NKAIN3: variants seen among roughly 807,000 people sequenced by gnomAD.
NKAIN3 encodes the protein sodium/potassium transporting ATPase interacting 3, also known as sodium/potassium-transporting ATPase subunit beta-1-interacting protein 3.
A neutral mutation model predicts 30.2 loss-of-function variants in NKAIN3; 25 were observed. The observed-to-expected ratio is 0.83, with a 90% confidence interval of 0.60 to 1.16. The LOEUF is 1.16. Ranked by LOEUF, NKAIN3 falls within the 50% of genes most tolerant of loss-of-function variation. The probability of loss-of-function intolerance (pLI) is 0.00; values close to 1 mark genes in which losing one functional copy is unlikely to be tolerated. For missense variants in NKAIN3, 225 were observed against 254.1 expected (o/e 0.89, Z 0.78); for synonymous variants, 91 against 89.6 (o/e 1.02, Z -0.09).
intron 1 of NKAIN3, among the ~76,000 whole-genome samples, chr8:62,563,978 T>C (rs752609634): frequency 6.6e-6 from 1 of 152,142 alleles, no homozygotes. Context: ...ACACTAGATT[T>C]TAATTTGCCT....
At chr8:62,913,585 T>G (rs1195522170) in intron 4 of NKAIN3, among the ~76,000 whole-genome samples, 2 of 152,214 alleles carry the variant, frequency 1.3e-5, no homozygotes, top group Non-Finnish European at 2.9e-5. Context: ...ATTTAGTAGA[T>G]TTACAGATTA....
intron 1 of NKAIN3, among the ~76,000 whole-genome samples, chr8:62,568,573 A>G (rs922351813): frequency 2.0e-5 from 3 of 152,188 alleles, no homozygotes; most frequent in Non-Finnish European, 2.9e-5. Flanking sequence ...GCACTTTTTC[A>G]GTTCATCAAC....
At chr8:62,962,610 C>T (rs887732804) in intron 6 of NKAIN3, among the ~76,000 whole-genome samples, 4 of 152,104 alleles carry the variant, frequency 2.6e-5, no homozygotes, top group East Asian at 1.9e-4. Context: ...TGGCCTGTAC[C>T]GCCTAGATGC....
chr8:62,673,459 G>A (rs574809672), intron 3 of NKAIN3, among the ~76,000 whole-genome samples: 6 of 152,196 alleles, frequency 3.9e-5, no homozygotes, highest in Non-Finnish European at 8.8e-5. Context: ...GAAAAAGGAA[G>A]GGACCAAAGA....
intron 3 of NKAIN3, among the ~76,000 whole-genome samples, chr8:62,727,020 A>G (rs944333918): frequency 1.3e-5 from 2 of 152,138 alleles, no homozygotes; most frequent in African/African-American, 4.8e-5. Context: ...AGTGGGATTT[A>G]TTGCATGTAT....
chr8:62,284,112 G>A (rs13281158), intron 1 of NKAIN3, among the ~76,000 whole-genome samples: 89,039 of 151,848 alleles, frequency 0.59, 26,430 homozygotes, highest in East Asian at 0.68. Flanking sequence ...TTCTCCCTAG[G>A]AAAATGGGAG....
rs539261162 is a variant in NKAIN3 at position 62,629,093 on chromosome 8, C to T, written c.273+39299C>T. Among the ~76,000 whole-genome samples the T allele has an allele frequency of 2.6e-5, 4 of 152,184 alleles. No homozygotes were observed. The South Asian group carries it at 6.2e-4, about 24-fold the overall frequency. On this transcript the variant is annotated intron_variant, in intron 3 of 6. Transcript: ENST00000623646. ...TACCTAATTAATGTAAGACATAGCCCCAGGGGTTGGCAGTAGAGAAATGAA... is the reference window on the plus strand; with the variant it reads ...TACCTAATTAATGTAAGACATAGCCTCAGGGGTTGGCAGTAGAGAAATGAA...
intron 1 of NKAIN3, among the ~76,000 whole-genome samples, chr8:62,538,886 C>T (rs924541811): frequency 3.9e-5 from 6 of 152,080 alleles, no homozygotes; most frequent in African/African-American, 1.4e-4. Context: ...ATATATAATG[C>T]CATTGCTTAC....
downstream of NKAIN3, among the ~76,000 whole-genome samples, chr8:62,988,178 T>G (rs2130930865): frequency 6.6e-6 from 1 of 152,334 alleles, no homozygotes; most frequent in Non-Finnish European, 1.5e-5. Context: ...GGGTACAACC[T>G]CCTTCCCAGC....
intron 4 of NKAIN3, among the ~76,000 whole-genome samples, chr8:62,871,543 T>C (rs1280014742): frequency 6.6e-6 from 1 of 152,230 alleles, no homozygotes; most frequent in East Asian, 1.9e-4. Flanking sequence ...TTATTAACTG[T>C]AGTTACCATG....
rs968295164 is a variant in NKAIN3, at chr8:62,308,657, G to A, written c.54+59530G>A. Among the ~76,000 whole-genome samples, 11 of 150,408 alleles carry A rather than the reference G, an allele frequency of 7.3e-5. 2 individuals carry two copies. Among genetic ancestry groups the A allele is most frequent in the African/African-American group, 1.8e-4 (7 of 39,842 alleles). ...CATGGTGGAGGTAAAATTAACAGAA[G>A]TTGGTAATGAATTAACTGTGGGCAA... On this transcript the variant is annotated intron_variant, in intron 1 of 6. Transcript: ENST00000623646.
intron 1 of NKAIN3, among the ~76,000 whole-genome samples, chr8:62,328,222 G>A (rs1380789492): frequency 6.6e-6 from 1 of 152,096 alleles, no homozygotes; most frequent in Non-Finnish European, 1.5e-5. Flanking sequence ...CTATAATAAT[G>A]TGGTTTTGAA....
At chr8:62,258,936 G>GC (rs1365457640) in intron 1 of NKAIN3, among the ~76,000 whole-genome samples, 7 of 152,086 alleles carry the variant, frequency 4.6e-5, no homozygotes, top group Non-Finnish European at 7.4e-5. Context: ...AGTGTATTTG[G>GC]CCCAAGGCCT....
At chr8:62,798,367 C>T (rs1380019647) in intron 4 of NKAIN3, among the ~76,000 whole-genome samples, 1 of 152,088 alleles carries the variant, frequency 6.6e-6, no homozygotes, top group East Asian at 1.9e-4. Flanking sequence ...GTCAGGAGAT[C>T]GAGACCATCC....
intron 3 of NKAIN3, among the ~76,000 whole-genome samples, chr8:62,677,161 G>A (rs1813503228): frequency 6.6e-6 from 1 of 152,176 alleles, no homozygotes; most frequent in African/African-American, 2.4e-5. Flanking sequence ...GACTACTGAG[G>A]TGCGTTCTCA....
chr8:62,535,700 G>A (rs1808638890), intron 1 of NKAIN3, among the ~76,000 whole-genome samples: 2 of 152,182 alleles, frequency 1.3e-5, no homozygotes, highest in African/African-American at 4.8e-5. Flanking sequence ...CTCCCTGGGT[G>A]CCCTACCCTC....
chr8:62,453,487 A>G (rs1805715479), intron 1 of NKAIN3, among the ~76,000 whole-genome samples: 1 of 152,144 alleles, frequency 6.6e-6, no homozygotes, highest in African/African-American at 2.4e-5. Flanking sequence ...CCAAGAGTAA[A>G]CCAGCCCCAG....
chr8:62,942,177 T>C (rs922240953), intron 5 of NKAIN3, among the ~76,000 whole-genome samples: 1 of 144,024 alleles, frequency 6.9e-6, no homozygotes, highest in Non-Finnish European at 1.5e-5. Flanking sequence ...GCAATATATA[T>C]ATATATATAC....
At chr8:62,947,811 C>T (rs1315849318) in intron 5 of NKAIN3, among the ~76,000 whole-genome samples, 1 of 152,250 alleles carries the variant, frequency 6.6e-6, no homozygotes, top group Admixed American at 6.5e-5. Flanking sequence ...AAACAGCCAA[C>T]AGCCTGTCTT....
Sources: allele counts gnomAD v4.1 joint callset (sites outside exome capture counted in the v4.1 genomes callset), GRCh38; gene constraint gnomAD v4.1.1; transcripts MANE v1.5; gene names NCBI Gene and HGNC (gene_info 2026-07-23, HGNC 2026-07-21).